Variants in HS3ST3A1 observed in about 807,000 individuals in gnomAD.
HS3ST3A1 encodes heparan sulfate-glucosamine 3-sulfotransferase 3A1, also known as heparan sulfate glucosamine 3-O-sulfotransferase 3A1.
In HS3ST3A1, 19 loss-of-function variants were observed where a neutral mutation model predicts 25.7. That is an observed-to-expected ratio of 0.74 (90% CI 0.52 to 1.08). The LOEUF is 1.08. HS3ST3A1 is among the 50% of genes least tolerant of loss of function. The pLI, the probability that HS3ST3A1 is intolerant of heterozygous loss-of-function variation, is 0.00. For missense variants in HS3ST3A1, 459 were observed against 594.3 expected (o/e 0.77, Z 2.37); for synonymous variants, 226 against 278.6 (o/e 0.81, Z 1.88).
intron 1 of HS3ST3A1, among the ~76,000 whole-genome samples, chr17:13,503,173 C>CAAA (rs144678351): frequency 9.2e-5 from 8 of 86,840 alleles, no homozygotes; most frequent in East Asian, 3.2e-4. Context: ...GACTCCATCT[C>CAAA]AAAAAAAAAA....
At chr17:13,540,551 G>GT (rs1468535745) in intron 1 of HS3ST3A1, among the ~76,000 whole-genome samples, 1 of 152,180 alleles carries the variant, frequency 6.6e-6, no homozygotes, top group Non-Finnish European at 1.5e-5. Flanking sequence ...ACTTTTAAGT[G>GT]CTCCTGCTGT....
At chr17:13,548,059 C>T (rs1317682641) in intron 1 of HS3ST3A1, among the ~76,000 whole-genome samples, 4 of 152,092 alleles carry the variant, frequency 2.6e-5, no homozygotes, top group Admixed American at 1.3e-4. Flanking sequence ...CACTTTCACA[C>T]TCTCATGGTT....
chr17:13,511,494 G>A (rs1365427797), intron 1 of HS3ST3A1, among the ~76,000 whole-genome samples: 1 of 151,900 alleles, frequency 6.6e-6, no homozygotes, highest in African/African-American at 2.4e-5. Flanking sequence ...ATCATTTCCT[G>A]GTATTACTGA....
At chr17:13,580,959 C>T (rs1452558094) in intron 1 of HS3ST3A1, among the ~76,000 whole-genome samples, 1 of 152,144 alleles carries the variant, frequency 6.6e-6, no homozygotes, top group Non-Finnish European at 1.5e-5. Context: ...GGGCATGTAC[C>T]TGCATGTGTG....
At chr17:13,564,320 A>G (rs564474687) in intron 1 of HS3ST3A1, among the ~76,000 whole-genome samples, 24 of 152,304 alleles carry the variant, frequency 1.6e-4, no homozygotes, top group African/African-American at 5.3e-4. Context: ...TTCTGAGTAA[A>G]TTATCCAATC....
At chr17:13,547,051 A>G (rs1455366192) in intron 1 of HS3ST3A1, among the ~76,000 whole-genome samples, 1 of 152,194 alleles carries the variant, frequency 6.6e-6, no homozygotes. Context: ...ATTAGATTTA[A>G]TGATTACCAA....
intron 1 of HS3ST3A1, among the ~76,000 whole-genome samples, chr17:13,581,899 G>T (rs966194175): frequency 6.6e-6 from 1 of 152,010 alleles, no homozygotes; most frequent in African/African-American, 2.4e-5. Context: ...GTTCCCAGGG[G>T]GTCGCCCTTT....
At chr17:13,550,835 A>G (rs1468034957) in intron 1 of HS3ST3A1, among the ~76,000 whole-genome samples, 1 of 152,150 alleles carries the variant, frequency 6.6e-6, no homozygotes, top group Non-Finnish European at 1.5e-5. Context: ...TTGGGAGGCC[A>G]AGGCGGGCAG....
In HS3ST3A1 at chr17:13,590,648, C is replaced by T. The variant is rs75534991; in HGVS notation, c.599+9883G>A. Among the ~76,000 whole-genome samples the T allele has an allele frequency of 8.8e-3, 1,338 of 152,268 alleles. 17 individuals carry two copies. The highest frequency in any genetic ancestry group is 0.031 in the African/African-American group (1,284 of 41,546). On this transcript the variant is annotated intron_variant, in intron 1 of 1. Transcript: ENST00000284110. Reference sequence around the variant, plus strand: ...AGATCAACAGTCATGTCTTATGTGACTAATGGTCTGACCACTCCAGTAAAG... The same window carrying T: ...AGATCAACAGTCATGTCTTATGTGATTAATGGTCTGACCACTCCAGTAAAG...
chr17:13,585,874 G>C (rs1339575526), intron 1 of HS3ST3A1, among the ~76,000 whole-genome samples: 2 of 110,066 alleles, frequency 1.8e-5, no homozygotes, highest in East Asian at 6.3e-4. Flanking sequence ...TTTTCTGACA[G>C]AGTCTCGCTC....
intron 1 of HS3ST3A1, among the ~76,000 whole-genome samples, chr17:13,524,770 T>G (rs1346379873): frequency 2.0e-5 from 3 of 152,154 alleles, no homozygotes; most frequent in Non-Finnish European, 4.4e-5. Context: ...CATAGGAACT[T>G]TCTGCAAAAT....
chr17:13,572,671 C>T (rs1907849497), intron 1 of HS3ST3A1, among the ~76,000 whole-genome samples: 1 of 152,172 alleles, frequency 6.6e-6, no homozygotes, highest in African/African-American at 2.4e-5. Flanking sequence ...TTGTTAAGGT[C>T]ATTTCACCTG....
intron 1 of HS3ST3A1, among the ~76,000 whole-genome samples, chr17:13,589,332 A>G (rs1908358993): frequency 6.6e-6 from 1 of 152,174 alleles, no homozygotes; most frequent in Non-Finnish European, 1.5e-5. Context: ...CCCTTCGCCA[A>G]CAGGGCAAAT....
chr17:13,595,443 TC>T (rs1394248577), intron 1 of HS3ST3A1, among the ~76,000 whole-genome samples: 1 of 152,158 alleles, frequency 6.6e-6, no homozygotes, highest in African/African-American at 2.4e-5. Context: ...TATATAAATA[TC>T]CCCCAGAGAG....
At chr17:13,576,400 C>T (rs190057810) in intron 1 of HS3ST3A1, among the ~76,000 whole-genome samples, 8 of 152,340 alleles carry the variant, frequency 5.3e-5, no homozygotes, top group Admixed American at 1.3e-4. Context: ...TCTCCATAGG[C>T]GCTGCTCACA....
intron 1 of HS3ST3A1, among the ~76,000 whole-genome samples, chr17:13,591,368 T>C (rs979664079): frequency 2.6e-5 from 4 of 152,064 alleles, no homozygotes; most frequent in African/African-American, 9.7e-5. Context: ...TCTGACAACA[T>C]ATTGGCTTTC....
chr17:13,514,462 C>T (rs1267175428), intron 1 of HS3ST3A1, among the ~76,000 whole-genome samples: 2 of 152,106 alleles, frequency 1.3e-5, no homozygotes, highest in East Asian at 3.8e-4. Context: ...GAACAAGTAC[C>T]TGTCCTTTTA....
intron 1 of HS3ST3A1, among the ~76,000 whole-genome samples, chr17:13,571,904 C>T (rs1354882300): frequency 1.3e-5 from 2 of 152,144 alleles, no homozygotes; most frequent in African/African-American, 4.8e-5. Flanking sequence ...GGACTACCGG[C>T]ATGTGCCACT....
chr17:13,545,118 C>T (rs1323281130), intron 1 of HS3ST3A1, among the ~76,000 whole-genome samples: 3 of 152,174 alleles, frequency 2.0e-5, no homozygotes, highest in Non-Finnish European at 4.4e-5. Flanking sequence ...GGCTGGGGAG[C>T]ATTAGCATTC....
Sources: allele counts gnomAD v4.1 joint callset (sites outside exome capture counted in the v4.1 genomes callset), GRCh38; gene constraint gnomAD v4.1.1; transcripts MANE v1.5; gene names NCBI Gene and HGNC (gene_info 2026-07-23, HGNC 2026-07-21).